The following TXNDC5 variants were observed in gnomAD, a reference collection of about 807,000 sequenced individuals.
The protein encoded by TXNDC5 is thioredoxin domain containing 5, also known as thioredoxin domain-containing protein 5.
In TXNDC5, 44 loss-of-function variants were observed where a neutral mutation model predicts 52.6. The ratio of observed to expected loss-of-function variants is 0.84; its 90% CI spans 0.66 to 1.08. The LOEUF is 1.08. Ranked by LOEUF, TXNDC5 falls within the 50% of genes least tolerant of loss-of-function variation. The probability of loss-of-function intolerance (pLI) is 0.00; values close to 1 mark genes in which losing one functional copy is unlikely to be tolerated. For synonymous variants in TXNDC5, 241 were observed against 234.4 expected (o/e 1.03, Z -0.26); for missense variants, 600 against 565.5 (o/e 1.06, Z -0.62).
intron 3 of TXNDC5, 145 bp from the exon 4 acceptor site, chr6:7,895,347 G>A (rs1760332118): frequency 2.8e-6 from 2 of 703,296 alleles, no homozygotes; most frequent in Non-Finnish European, 2.3e-6. Context: ...CTGCTGTGCT[G>A]AGTGAGGCCA....
At chr6:7,893,227 T>C (rs1354161650) in intron 4 of TXNDC5, among the ~76,000 whole-genome samples, 2 of 152,250 alleles carry the variant, frequency 1.3e-5, no homozygotes, top group Non-Finnish European at 2.9e-5. Context: ...ACCAGTGGCA[T>C]GTGGCCTGGC....
chr6:7,884,268 G>C (rs1049231115), intron 9 of TXNDC5, 91 bp downstream of exon 9: 1 of 1,538,004 alleles, frequency 6.5e-7, no homozygotes, highest in East Asian at 2.3e-5. Context: ...GAGAAGATGA[G>C]AGCAGAGTGA....
chr6:7,891,274 G>A (rs769174256), intron 5 of TXNDC5, among the ~76,000 whole-genome samples: 1 of 152,148 alleles, frequency 6.6e-6, no homozygotes, highest in Non-Finnish European at 1.5e-5. Context: ...GAGCTCTTGG[G>A]TGAGGTCGAA....
chr6:7,893,576 C>G (rs181147735), intron 4 of TXNDC5, among the ~76,000 whole-genome samples: 1 of 151,154 alleles, frequency 6.6e-6, no homozygotes, highest in Admixed American at 6.6e-5. Context: ...CGGTCCGTAA[C>G]AGGTGATTTG....
chr6:7,888,638 G>A, intron 7 of TXNDC5, 67 bp downstream of exon 7: 2 of 1,545,680 alleles, frequency 1.3e-6, no homozygotes, highest in African/African-American at 2.7e-5. Flanking sequence ...GGCCTCTGAG[G>A]GTGGGGAGGT....
Position 7,882,483 on chromosome 6 carries a change from GAC to G in TXNDC5, c.*659_*660del, listed in dbSNP as rs1222883278. 1 of 152,256 alleles carries G rather than the reference GAC, an allele frequency of 6.6e-6. No homozygotes were observed. Among genetic ancestry groups the G allele is most frequent in the Non-Finnish European group, 1.5e-5 (1 of 68,104 alleles). 9.4% of individuals were successfully genotyped at this position (152,256 alleles called of 1,614,324 possible). A position where few individuals can be genotyped will look rare whatever the true frequency, so the allele number is the denominator to read the frequency against. On this transcript the variant is annotated 3_prime_UTR_variant, in exon 10 of 10. Transcript: ENST00000379757. ...AACAGTAACTGATTTGACAAGTATC[GAC>G]ACATAAAGTTATGGCATCAGCATTC...
At chr6:7,897,441 T>C (rs1760411705) in intron 3 of TXNDC5, among the ~76,000 whole-genome samples, 1 of 152,194 alleles carries the variant, frequency 6.6e-6, no homozygotes, top group Non-Finnish European at 1.5e-5. Flanking sequence ...GCTAAGAGAA[T>C]TCTGGTTTGC....
At chr6:7,895,696 G>A (rs906750227) in intron 3 of TXNDC5, among the ~76,000 whole-genome samples, 4 of 152,096 alleles carry the variant, frequency 2.6e-5, no homozygotes, top group Non-Finnish European at 4.4e-5. Flanking sequence ...GAGGCAAGAG[G>A]ACTGCTTGAG....
chr6:7,896,094 A>C (rs559857553), intron 3 of TXNDC5, among the ~76,000 whole-genome samples: 1 of 152,328 alleles, frequency 6.6e-6, no homozygotes, highest in East Asian at 1.9e-4. Context: ...TACACAAATG[A>C]CAGGGAAAAC....
intron 9 of TXNDC5, among the ~76,000 whole-genome samples, 168 bp downstream of exon 9, chr6:7,884,191 C>T (rs759689019): frequency 4.6e-5 from 7 of 152,116 alleles, no homozygotes; most frequent in Non-Finnish European, 1.0e-4. Flanking sequence ...AATGCCTTCC[C>T]TTTGAGAGAG....
intron 9 of TXNDC5, 83 bp from the exon 10 acceptor site, chr6:7,883,349 C>CCTACCGTTGTGGCTGGAAAA: frequency 6.3e-7 from 1 of 1,590,540 alleles, no homozygotes; most frequent in Middle Eastern, 1.7e-4. Flanking sequence ...CAGATACACT[C>CCTACCGTTGTGGCTGGAAAA]CTACCGTTGT....
chr6:7,909,635 C>T (rs773866344), intron 1 of TXNDC5, among the ~76,000 whole-genome samples: 16 of 152,192 alleles, frequency 1.1e-4, no homozygotes, highest in Non-Finnish European at 1.9e-4. Context: ...GACAGGACAG[C>T]CTGGAGTTGA....
In TXNDC5 at chr6:7,894,821, T is replaced by C. The variant is rs989572687; in HGVS notation, c.616+285A>G. 4.1e-6 allele frequency: 4 copies of C among 985,248 alleles called. No individual in the cohort carries two copies. The African/African-American group carries it at 7.0e-5, about 17-fold the overall frequency. The allele number at this position is 985,248 out of a possible 1,614,324, so 61.0% of individuals were successfully genotyped here. On this transcript the variant is annotated intron_variant, in intron 4 of 9. Transcript: ENST00000379757. ...GTAAAGAGCAATCAAGCGAGGTGAG[T>C]CTGTCAATAAACACTCTTAGCCAAG...
intron 1 of TXNDC5, 38 bp downstream of exon 1, chr6:7,910,476 C>T (rs1214642442): frequency 3.6e-6 from 5 of 1,382,044 alleles, no homozygotes; most frequent in Non-Finnish European, 4.7e-6. Context: ...CCGCGAAGCG[C>T]CAAGTGCGGG....
intron 9 of TXNDC5, among the ~76,000 whole-genome samples, chr6:7,883,798 A>G (rs1252202925): frequency 6.6e-6 from 1 of 152,216 alleles, no homozygotes; most frequent in Admixed American, 6.5e-5. Flanking sequence ...AAGGGCTCCA[A>G]AAGTGTCTGA....
chr6:7,883,429 A>G (rs1033443457), intron 9 of TXNDC5, among the ~76,000 whole-genome samples, 163 bp from the exon 10 acceptor site: 27 of 152,250 alleles, frequency 1.8e-4, no homozygotes, highest in African/African-American at 6.3e-4. Flanking sequence ...ACTACTGTTT[A>G]GAAAGCACAG....
intron 2 of TXNDC5, 90 bp from the exon 3 acceptor site, chr6:7,899,771 C>T: frequency 2.0e-6 from 2 of 989,794 alleles, no homozygotes; most frequent in African/African-American, 1.6e-5. Context: ...AGAAAATGAG[C>T]TGTCAAGGGG....
chr6:7,891,322 C>T (rs1312810201), intron 5 of TXNDC5, among the ~76,000 whole-genome samples: 1 of 152,110 alleles, frequency 6.6e-6, no homozygotes, highest in African/African-American at 2.4e-5. Flanking sequence ...GAACATTCTA[C>T]AAGGCTCTAC....
intron 2 of TXNDC5, among the ~76,000 whole-genome samples, chr6:7,902,120 C>T (rs182413576): frequency 8.7e-4 from 133 of 152,252 alleles, no homozygotes; most frequent in African/African-American, 3.0e-3. Context: ...GACCAGGAAA[C>T]CAACAGGAGC....
Sources: allele counts gnomAD v4.1 joint callset (sites outside exome capture counted in the v4.1 genomes callset), GRCh38; gene constraint gnomAD v4.1.1; transcripts MANE v1.5; gene names NCBI Gene and HGNC (gene_info 2026-07-23, HGNC 2026-07-21).